RNF212B: variants seen among roughly 807,000 people sequenced by gnomAD.
RNF212B encodes ring finger protein 212B.
RNF212B carries 52 observed loss-of-function variants against 55.5 expected under a neutral mutation model. That is an observed-to-expected ratio of 0.94 (90% CI 0.75 to 1.18). The LOEUF (loss-of-function observed/expected upper bound fraction) is 1.18, where lower values mean the gene tolerates loss of function less well. Ranked by LOEUF, RNF212B falls within the 50% of genes most tolerant of loss-of-function variation. RNF212B has a pLI of 0.00. For missense variants in RNF212B, 289 were observed against 350.4 expected (o/e 0.82, Z 1.40); for synonymous variants, 99 against 121.4 (o/e 0.82, Z 1.21).
chr14:23,204,962 C>A (rs970988946), intron 2 of RNF212B, among the ~76,000 whole-genome samples: 15 of 152,086 alleles, frequency 9.9e-5, no homozygotes, highest in African/African-American at 3.6e-4. Context: ...TAGAAAGATA[C>A]ATGGATGAAA....
intron 2 of RNF212B, among the ~76,000 whole-genome samples, chr14:23,214,543 A>T (rs570048418): frequency 1.3e-5 from 2 of 151,828 alleles, no homozygotes; most frequent in Admixed American, 6.6e-5. Flanking sequence ...AATTTAATTT[A>T]AAAAAAGGAC....
At chr14:23,257,165 A>G (rs1001318790) in intron 4 of RNF212B, among the ~76,000 whole-genome samples, 3 of 151,072 alleles carry the variant, frequency 2.0e-5, no homozygotes, top group Non-Finnish European at 2.9e-5. Context: ...ACACACAAAA[A>G]AAATAAAATA....
chr14:23,206,273 C>T (rs150049144), intron 2 of RNF212B, among the ~76,000 whole-genome samples: 133 of 152,310 alleles, frequency 8.7e-4, no homozygotes, highest in Non-Finnish European at 1.7e-3. Context: ...CAGGGTTTCA[C>T]CACGTTGGCC....
intron 2 of RNF212B, among the ~76,000 whole-genome samples, chr14:23,216,416 G>C (rs79431488): frequency 0.013 from 1,929 of 151,956 alleles, 39 homozygotes; most frequent in African/African-American, 0.042. Context: ...AGAAAACAAA[G>C]AATCAAATAG....
intron 8 of RNF212B, 89 bp downstream of exon 8, chr14:23,262,800 G>A (rs769083704): frequency 6.9e-7 from 1 of 1,439,544 alleles, no homozygotes; most frequent in African/African-American, 1.4e-5. Flanking sequence ...ACAATAATGT[G>A]ATCTTCCTAA....
At chr14:23,238,764 T>C (rs973735148) in intron 1 of RNF212B, among the ~76,000 whole-genome samples, 2 of 146,092 alleles carry the variant, frequency 1.4e-5, no homozygotes, top group East Asian at 2.0e-4. Context: ...ATAATAATAA[T>C]AATAATAATA....
At chr14:23,272,380 C>G (rs4982747) in intron 14 of RNF212B, 68,583 of 212,568 alleles carry the variant, frequency 0.32, 11,716 homozygotes, top group Middle Eastern at 0.45. Context: ...AGATGCACCA[C>G]TGCACTCCAG....
intron 4 of RNF212B, among the ~76,000 whole-genome samples, chr14:23,251,588 G>T (rs1196891834): frequency 6.6e-6 from 1 of 152,166 alleles, no homozygotes; most frequent in Non-Finnish European, 1.5e-5. Context: ...GGCTGAGGCG[G>T]GCAGATCACC....
In RNF212B at chr14:23,273,146, C is replaced by G. The variant is rs76297481; in HGVS notation, c.*255C>G. ...AGACACTGGTAGCTCCCCTCATTTC[C>G]TACAATTTGGAACAAAGGTCAAAAA... On this transcript the variant is annotated 3_prime_UTR_variant, in exon 15 of 15. Coordinates refer to ENST00000430154, the MANE Select transcript of RNF212B (RefSeq NM_001282322.3). 1.8e-3 allele frequency: 567 copies of G among 309,520 alleles called. 4 individuals carry two copies. The highest frequency in any genetic ancestry group is 0.011 in the African/African-American group (507 of 46,158). 19.2% of individuals were successfully genotyped at this position (309,520 alleles called of 1,614,324 possible). A position where few individuals can be genotyped will look rare whatever the true frequency, so the allele number is the denominator to read the frequency against.
At chr14:23,262,851 A>G (rs1885398218) in intron 8 of RNF212B, 77 bp from the exon 9 acceptor site, 8 of 1,464,408 alleles carry the variant, frequency 5.5e-6, no homozygotes, top group Non-Finnish European at 6.6e-6. Context: ...CCAGATAACC[A>G]TGTACAACAA....
intron 4 of RNF212B, among the ~76,000 whole-genome samples, chr14:23,254,286 CA>C (rs763020430): frequency 0.031 from 2,619 of 84,786 alleles, 98 homozygotes; most frequent in African/African-American, 0.11. Context: ...CTCTTTATCT[CA>C]AAAACAAAAC....
At chr14:23,258,420 T>A (rs892923779) in intron 4 of RNF212B, 129 bp from the exon 5 acceptor site, 1 of 429,266 alleles carries the variant, frequency 2.3e-6, no homozygotes, top group African/African-American at 2.1e-5. Flanking sequence ...AAGTTGTGAA[T>A]TAGGCCAGAT....
At chr14:23,222,029 A>G (rs574091415) in intron 2 of RNF212B, among the ~76,000 whole-genome samples, 175 of 152,286 alleles carry the variant, frequency 1.1e-3, no homozygotes, top group Non-Finnish European at 2.0e-3. Context: ...TGTCTACATC[A>G]AAAAGGAAGA....
At chr14:23,245,743 T>C (rs1401922117) in intron 4 of RNF212B, among the ~76,000 whole-genome samples, 1 of 152,222 alleles carries the variant, frequency 6.6e-6, no homozygotes, top group Non-Finnish European at 1.5e-5. Context: ...CCCAACATTT[T>C]CTACTCCTTA....
chr14:23,255,323 G>A (rs1322431768), intron 4 of RNF212B, among the ~76,000 whole-genome samples: 1 of 152,144 alleles, frequency 6.6e-6, no homozygotes, highest in African/African-American at 2.4e-5. Context: ...TAAATTTGTT[G>A]TAATTTTGTA....
At chr14:23,189,200 C>T (rs553046872) in intron 1 of RNF212B, among the ~76,000 whole-genome samples, 2 of 152,294 alleles carry the variant, frequency 1.3e-5, no homozygotes, top group South Asian at 4.2e-4. Context: ...TTCTAGTTGA[C>T]ATCTTTGACT....
At chr14:23,225,624 G>A (rs1371332172) in intron 2 of RNF212B, among the ~76,000 whole-genome samples, 1 of 151,782 alleles carries the variant, frequency 6.6e-6, no homozygotes, top group East Asian at 1.9e-4. Context: ...CATGAAGATA[G>A]AGAATAGAAG....
At chr14:23,242,976 C>T (rs1465181297) in intron 2 of RNF212B, among the ~76,000 whole-genome samples, 1 of 151,306 alleles carries the variant, frequency 6.6e-6, no homozygotes, top group Non-Finnish European at 1.5e-5. Flanking sequence ...GAGACCTTGT[C>T]TCAAAGAAAA....
chr14:23,209,130 T>A (rs1021952744), intron 2 of RNF212B, among the ~76,000 whole-genome samples: 1 of 152,218 alleles, frequency 6.6e-6, no homozygotes, highest in Non-Finnish European at 1.5e-5. Context: ...CCTCCCCTTT[T>A]TAGACCATAT....
Sources: gnomAD v4.1 joint callset for allele counts (sites outside exome capture counted in the v4.1 genomes callset) on GRCh38, gnomAD v4.1.1 for gene constraint, MANE v1.5 for transcripts, NCBI Gene and HGNC (gene_info 2026-07-23, HGNC 2026-07-21) for gene names.